AK7: variants seen among roughly 807,000 people sequenced by gnomAD.
AK7 encodes adenylate kinase 7.
A neutral mutation model predicts 96.6 loss-of-function variants in AK7; 78 were observed. The observed-to-expected ratio is 0.81, with a 90% confidence interval of 0.67 to 0.97. The LOEUF is 0.97. AK7 is among the 50% of genes least tolerant of loss of function. AK7 has a pLI of 0.00. For missense variants in AK7, 855 were observed against 887.9 expected (o/e 0.96, Z 0.47); for synonymous variants, 302 against 317.2 (o/e 0.95, Z 0.51).
rs373215673 is a variant in AK7, at chr14:96,398,233, G to A, written c.264G>A (p.Pro88=). Residue 88 remains proline, a synonymous_variant, in exon 2 of 18, where the codon CCG becomes CCA. Transcript: ENST00000267584. ...IVGTLSKPDS[P]RPDFAVETYS... Reference sequence around the variant, plus strand: ...GCACGCTGTCCAAGCCTGACAGCCCGCGGCCTGACTTTGCGGTGGAGACGT... The same window carrying A: ...GCACGCTGTCCAAGCCTGACAGCCCACGGCCTGACTTTGCGGTGGAGACGT... 35 of 1,613,406 alleles carry A rather than the reference G, an allele frequency of 2.2e-5. No individual in the cohort carries two copies. The highest frequency in any genetic ancestry group is 2.5e-5 in the Non-Finnish European group (30 of 1,180,012).
intron 8 of AK7, among the ~76,000 whole-genome samples, chr14:96,448,630 TAAAAAAAAAAAAAAAAA>T (rs71103528): frequency 2.1e-4 from 16 of 74,888 alleles, no homozygotes; most frequent in South Asian, 5.9e-4. Flanking sequence ...ACCCTATCTC[TAAAAAAAAAAAAAAAAA>T]AAAAAAAAAA....
At chr14:96,468,340 T>G (rs1387445508) in intron 12 of AK7, among the ~76,000 whole-genome samples, 1 of 148,272 alleles carries the variant, frequency 6.7e-6, no homozygotes, top group East Asian at 2.0e-4. Context: ...TTCACTCTGT[T>G]GCCCAGGCTG....
intron 2 of AK7, among the ~76,000 whole-genome samples, chr14:96,403,598 T>C (rs920548651): frequency 8.5e-5 from 13 of 152,198 alleles, no homozygotes; most frequent in Admixed American, 5.9e-4. Context: ...TGTCATTTCC[T>C]AAGGAAAGGC....
At position 96,399,953 on chromosome 14, in the gene AK7, G is replaced by T. The variant is rs1057269893; in HGVS notation, c.294+1690G>T. On this transcript the variant is annotated intron_variant, in intron 2 of 17. Coordinates refer to ENST00000267584, the MANE Select transcript of AK7 (RefSeq NM_152327.5). This position sits in a 1 kb window ranked among gnomAD's most constrained non-coding sequence, Gnocchi z 4.1. ...CCAAATCCGACTGCCTCCTAGACCA[G>T]TCCCCGGTTGTCCTGCAGGCATTGC... 6.6e-6 allele frequency among the ~76,000 whole-genome samples: 1 copy of T among 150,604 alleles called. No homozygotes were observed. Among genetic ancestry groups the T allele is most frequent in the African/African-American group, 2.4e-5 (1 of 40,824 alleles).
intron 12 of AK7, among the ~76,000 whole-genome samples, chr14:96,461,060 G>A (rs1396931876): frequency 1.3e-5 from 2 of 152,244 alleles, no homozygotes; most frequent in African/African-American, 4.8e-5. Flanking sequence ...TAGAATTCCA[G>A]AGAGATTTCC....
chr14:96,449,732 C>T, intron 8 of AK7, 70 bp from the exon 9 acceptor site: 2 of 1,189,768 alleles, frequency 1.7e-6, no homozygotes, highest in Non-Finnish European at 2.5e-6. Context: ...CTGCGCCTGG[C>T]CCATTTGAGT....
At chr14:96,476,950 T>C (rs1350291360) in intron 14 of AK7, among the ~76,000 whole-genome samples, 1 of 152,258 alleles carries the variant, frequency 6.6e-6, no homozygotes, top group Non-Finnish European at 1.5e-5. Flanking sequence ...AGTTTTCATA[T>C]AGATGTCCGA....
chr14:96,455,645 G>A (rs1185979961), intron 10 of AK7, among the ~76,000 whole-genome samples: 4 of 152,184 alleles, frequency 2.6e-5, no homozygotes, highest in African/African-American at 9.7e-5. Context: ...GCACTGTCTT[G>A]TGAAACTGGC....
At chr14:96,401,473 T>G (rs1433344234) in intron 2 of AK7, among the ~76,000 whole-genome samples, 1 of 151,864 alleles carries the variant, frequency 6.6e-6, no homozygotes, top group Non-Finnish European at 1.5e-5. Context: ...CGTGGTTGAG[T>G]GGAGCTTGCA....
At chr14:96,410,083 A>G (rs532325834) in intron 4 of AK7, among the ~76,000 whole-genome samples, 1 of 152,362 alleles carries the variant, frequency 6.6e-6, no homozygotes, top group South Asian at 2.1e-4. Flanking sequence ...ATTATATATA[A>G]CAAGGAGATA....
At position 96,398,175 on chromosome 14, in the gene AK7, C is replaced by T; in HGVS notation, c.206C>T (p.Thr69Ile). The change falls in exon 2 of 18, where the codon ACC becomes ATC. Residue 69 changes from threonine (T) to isoleucine (I), a missense_variant. Physicochemically the swap from Thr to Ile is moderately conservative, Grantham distance 89. Transcript: ENST00000267584. ...TCAGCTATGCTGGAAGCTTCCTCAA[C>T]CAAAGTGAAGGAAGGCACATTCCAG... ...NKSAMLEASSTKVKEGTFQIV... is the reference protein window; with the variant it reads ...NKSAMLEASSIKVKEGTFQIV... 6.2e-7 allele frequency: 1 copy of T among 1,614,134 alleles called. No individual in the cohort carries two copies.
chr14:96,442,855 T>C (rs1893033697), intron 7 of AK7, 37 bp downstream of exon 7: 1 of 1,565,482 alleles, frequency 6.4e-7, no homozygotes. Context: ...TTCACAGAAT[T>C]GGTTAATGTG....
chr14:96,454,752 C>CCT (rs1893800507), intron 10 of AK7, among the ~76,000 whole-genome samples: 1 of 151,656 alleles, frequency 6.6e-6, no homozygotes, highest in Non-Finnish European at 1.5e-5. Flanking sequence ...CACTATATTG[C>CCT]TCAGGCTCGC....
intron 5 of AK7, among the ~76,000 whole-genome samples, chr14:96,425,989 A>G (rs560652479): frequency 6.6e-6 from 1 of 152,160 alleles, no homozygotes; most frequent in Non-Finnish European, 1.5e-5. Flanking sequence ...TTTTGATTAG[A>G]GAATTTAGTC....
At chr14:96,458,267 A>T (rs1243115448) in intron 12 of AK7, 55 bp downstream of exon 12, 18 of 1,577,374 alleles carry the variant, frequency 1.1e-5, no homozygotes, top group Admixed American at 1.9e-5. Flanking sequence ...GGCTATTTTT[A>T]AAAATCTGGT....
intron 12 of AK7, among the ~76,000 whole-genome samples, chr14:96,463,409 T>TA (rs148256481): frequency 0.34 from 51,280 of 151,004 alleles, 8,911 homozygotes; most frequent in South Asian, 0.4. Context: ...CATCCTGTGT[T>TA]AAAAAAAATA....
chr14:96,403,535 T>C (rs1209248227), intron 2 of AK7, among the ~76,000 whole-genome samples: 5 of 152,198 alleles, frequency 3.3e-5, no homozygotes, highest in African/African-American at 7.2e-5. Context: ...ACTAGCAACC[T>C]AGTGCATGCT....
chr14:96,478,321 A>G, intron 14 of AK7, 144 bp from the exon 15 acceptor site: 2 of 739,464 alleles, frequency 2.7e-6, no homozygotes, highest in Admixed American at 2.4e-5. Context: ...TTTATCCTCC[A>G]TGAGAGGCAG....
intron 15 of AK7, among the ~76,000 whole-genome samples, chr14:96,479,199 C>T (rs1393558438): frequency 1.3e-5 from 2 of 152,018 alleles, no homozygotes; most frequent in Non-Finnish European, 2.9e-5. Flanking sequence ...GCCTCAGCCT[C>T]CCGAGTAGCT....
Sources: gnomAD v4.1 joint callset for allele counts (sites outside exome capture counted in the v4.1 genomes callset) on GRCh38, gnomAD v4.1.1 for gene constraint, Gnocchi (gnomAD v3.1) non-coding constraint, MANE v1.5 for transcripts, NCBI Gene and HGNC (gene_info 2026-07-23, HGNC 2026-07-21) for gene names.